AUTS2: variants seen among roughly 807,000 people sequenced by gnomAD.
AUTS2 encodes the protein autism susceptibility gene 2 protein.
AUTS2 carries 17 observed loss-of-function variants against 112.4 expected under a neutral mutation model. The observed-to-expected ratio is 0.15, with a 90% CI of 0.10 to 0.23. The LOEUF is 0.23. AUTS2 is among the 10% of genes least tolerant of loss of function. The pLI, the probability that AUTS2 is intolerant of heterozygous loss-of-function variation, is 1.00. For synonymous variants in AUTS2, 751 were observed against 702.7 expected, an observed-to-expected ratio of 1.07 and a Z score of -1.09; for missense variants, 1,510 against 1,701.6, an observed-to-expected ratio of 0.89 and a Z score of 1.98.
At chr7:70,764,679 G>A in intron 7 of AUTS2, 73 bp from the exon 8 acceptor site, 2 of 688,726 alleles carry the variant, frequency 2.9e-6, no homozygotes, top group Non-Finnish European at 5.4e-6. Flanking sequence ...GAAGGAGGTA[G>A]GATTCTTTTA....
At chr7:69,975,808 C>T (rs992138006) in intron 2 of AUTS2, among the ~76,000 whole-genome samples, 6 of 151,980 alleles carry the variant, frequency 3.9e-5, no homozygotes, top group Middle Eastern at 3.4e-3. Context: ...GGGTCTCAGC[C>T]TCCCAAGTAG....
intron 2 of AUTS2, among the ~76,000 whole-genome samples, chr7:70,027,800 A>T (rs2129556074): frequency 6.6e-6 from 1 of 152,272 alleles, no homozygotes; most frequent in African/African-American, 2.4e-5. Flanking sequence ...ACCTAGATCG[A>T]CCTCAGGGAA....
chr7:70,516,393 C>CT (rs1799419737), intron 5 of AUTS2, among the ~76,000 whole-genome samples: 1 of 152,182 alleles, frequency 6.6e-6, no homozygotes, highest in Non-Finnish European at 1.5e-5. Context: ...CTGAAGCACC[C>CT]TCTTTTTGCT....
intron 2 of AUTS2, among the ~76,000 whole-genome samples, chr7:69,966,275 A>G (rs1289543114): frequency 6.6e-6 from 1 of 152,138 alleles, no homozygotes; most frequent in Non-Finnish European, 1.5e-5. Context: ...TGGGTCATAC[A>G]TGCTCCTGAT....
chr7:69,990,907 C>T (rs1047548754), intron 2 of AUTS2, among the ~76,000 whole-genome samples: 8 of 152,046 alleles, frequency 5.3e-5, no homozygotes, highest in Non-Finnish European at 8.8e-5. Context: ...TTTGGATTTT[C>T]GATTTTCAGA....
intron 5 of AUTS2, among the ~76,000 whole-genome samples, chr7:70,592,132 T>C (rs955592852): frequency 7.2e-5 from 11 of 152,194 alleles, no homozygotes; most frequent in African/African-American, 2.4e-4. Flanking sequence ...AGAAAAAATA[T>C]TCATATTTGC....
intron 1 of AUTS2, among the ~76,000 whole-genome samples, chr7:69,637,902 G>A (rs1371484487): frequency 6.6e-6 from 1 of 152,232 alleles, no homozygotes; most frequent in Non-Finnish European, 1.5e-5. Flanking sequence ...TGAAAGTGCA[G>A]TTGGACAAAT....
At chr7:69,983,949 A>C (rs1303935753) in intron 2 of AUTS2, among the ~76,000 whole-genome samples, 2 of 152,224 alleles carry the variant, frequency 1.3e-5, no homozygotes, top group African/African-American at 4.8e-5. Context: ...ACTGTGATTC[A>C]TCAGACAGCT....
intron 2 of AUTS2, among the ~76,000 whole-genome samples, chr7:70,086,600 C>T (rs1803615818): frequency 7.0e-6 from 1 of 142,706 alleles, no homozygotes; most frequent in East Asian, 2.0e-4. Context: ...GAGATCGCGC[C>T]ACTGGACTCC....
At position 70,171,957 on chromosome 7, in the gene AUTS2, C is replaced by T. The variant is rs187013071; in HGVS notation, c.660+37386C>T. Among the ~76,000 whole-genome samples the T allele has an allele frequency of 1.3e-3, 204 of 151,416 alleles. 3 individuals are homozygous for T. Among genetic ancestry groups the T allele is most frequent in the Middle Eastern group, 0.01 (3 of 294 alleles). ...TTTTCTTGGTCAGAGCTTTTTAAGACGAAGGACTACATTTCTTTCTGCATT... is the reference window on the plus strand; with the variant it reads ...TTTTCTTGGTCAGAGCTTTTTAAGATGAAGGACTACATTTCTTTCTGCATT... On this transcript the variant is annotated intron_variant, in intron 4 of 18. Coordinates refer to ENST00000342771, the MANE Select transcript of AUTS2 (RefSeq NM_015570.4).
At chr7:70,158,528 G>A (rs1197638366) in intron 4 of AUTS2, among the ~76,000 whole-genome samples, 3 of 152,174 alleles carry the variant, frequency 2.0e-5, no homozygotes, top group African/African-American at 7.2e-5. Context: ...TTCACTAAGA[G>A]AGGCAGTATA....
rs149849337 is a variant in AUTS2, at chr7:70,350,026, G to T, written c.661-85726G>T. Among the ~76,000 whole-genome samples the T allele has an allele frequency of 5.6e-3, 853 of 152,282 alleles. 17 individuals carry two copies. The highest frequency in any genetic ancestry group is 0.019 in the African/African-American group (794 of 41,550). On this transcript the variant is annotated intron_variant, in intron 4 of 18. Transcript: ENST00000342771. ...TAAACAACAGGAGAGGCTGGATTAG[G>T]GTTTGTGTTTGGAAGTGCATTTGAG...
chr7:70,179,815 T>G (rs1346464695), intron 4 of AUTS2, among the ~76,000 whole-genome samples: 1 of 152,188 alleles, frequency 6.6e-6, no homozygotes, highest in East Asian at 1.9e-4. Context: ...ATGCTTTGGT[T>G]GTACATGAAG....
intron 2 of AUTS2, among the ~76,000 whole-genome samples, chr7:69,922,948 T>C (rs560375096): frequency 8.1e-4 from 123 of 152,300 alleles, no homozygotes; most frequent in Non-Finnish European, 1.3e-3. Context: ...ATGAAGTGAA[T>C]TTTTGTATTT....
At chr7:69,991,926 C>T (rs1798756955) in intron 2 of AUTS2, among the ~76,000 whole-genome samples, 2 of 152,110 alleles carry the variant, frequency 1.3e-5, no homozygotes, top group South Asian at 4.1e-4. Context: ...GTAGAACATA[C>T]CTCCTCTGTA....
intron 1 of AUTS2, among the ~76,000 whole-genome samples, chr7:69,612,526 C>T (rs1160784773): frequency 6.6e-6 from 1 of 152,030 alleles, no homozygotes; most frequent in South Asian, 2.1e-4. Context: ...GTGGCGCAGT[C>T]ATGGCTCACT....
intron 2 of AUTS2, among the ~76,000 whole-genome samples, chr7:69,978,216 T>C (rs1480346346): frequency 1.3e-5 from 2 of 152,216 alleles, no homozygotes; most frequent in African/African-American, 4.8e-5. Context: ...TTTAGATAAA[T>C]TGTATTATCA....
chr7:69,996,696 A>G (rs542970269), intron 2 of AUTS2, among the ~76,000 whole-genome samples: 1 of 152,232 alleles, frequency 6.6e-6, no homozygotes, highest in South Asian at 2.1e-4. Context: ...TTTCCTTTAT[A>G]AAAAGTTGTA....
At chr7:70,617,386 G>A (rs1415603405) in intron 5 of AUTS2, among the ~76,000 whole-genome samples, 1 of 152,178 alleles carries the variant, frequency 6.6e-6, no homozygotes, top group East Asian at 1.9e-4. Flanking sequence ...TTTGTGGCCG[G>A]GCTCAGTGGC....
Sources: allele counts gnomAD v4.1 joint callset (sites outside exome capture counted in the v4.1 genomes callset), GRCh38; gene constraint gnomAD v4.1.1; transcripts MANE v1.5; gene names NCBI Gene and HGNC (gene_info 2026-07-23, HGNC 2026-07-21).